Variants in KANK1 observed in about 807,000 individuals in gnomAD.
KANK1 encodes the protein KN motif and ankyrin repeat domains 1.
Under a neutral mutation model 106.2 loss-of-function variants are expected in KANK1, and 109 were observed. That is an observed-to-expected ratio of 1.03 (90% CI 0.88 to 1.20). The LOEUF is 1.20. KANK1 is among the 50% of genes most tolerant of loss of function. The probability of loss-of-function intolerance (pLI) is 0.00; values close to 1 mark genes in which losing one functional copy is unlikely to be tolerated. For missense variants in KANK1, 2,399 were observed against 1,710.7 expected (o/e 1.40, Z -7.10); for synonymous variants, 873 against 652.2 (o/e 1.34, Z -5.16).
chr9:646,244 G>C (rs1839642323), intron 1 of KANK1, among the ~76,000 whole-genome samples: 1 of 150,746 alleles, frequency 6.6e-6, no homozygotes, highest in Admixed American at 6.6e-5. Flanking sequence ...TGTAATCTCA[G>C]CATGTGATTT....
At chr9:620,802 A>T (rs1038365185) in intron 1 of KANK1, among the ~76,000 whole-genome samples, 7 of 152,220 alleles carry the variant, frequency 4.6e-5, no homozygotes, top group African/African-American at 1.7e-4. Flanking sequence ...ATATTGGAGC[A>T]TAATAGAATT....
chr9:623,230 G>C (rs553891942), intron 1 of KANK1, among the ~76,000 whole-genome samples: 1 of 152,176 alleles, frequency 6.6e-6, no homozygotes, highest in African/African-American at 2.4e-5. Flanking sequence ...AAAAAAAGTG[G>C]AGGTGGGGCA....
Position 740,885 on chromosome 9 carries a change from T to G in KANK1, c.3647T>G (p.Ile1216Ser), listed in dbSNP as rs116440714. The G allele has an allele frequency of 6.2e-7, 1 of 1,614,026 alleles. No individual in the cohort carries two copies. Among genetic ancestry groups the G allele is most frequent in the Non-Finnish European group, 8.5e-7 (1 of 1,180,042 alleles). ...AAVEAEKDMR[I>S]VEELFGCGDV... ...GTGGAAGCAGAGAAGGACATGCGGA[T>G]TGTGGAAGAACTCTTCGGCTGTGGG... Residue 1216 changes from isoleucine (I) to serine (S), a missense_variant, in exon 9 of 12, where the codon ATT becomes AGT. By Grantham distance (142) the Ile-to-Ser change is moderately radical. Transcript: ENST00000382297.
intron 2 of KANK1, among the ~76,000 whole-genome samples, chr9:701,670 A>C (rs1011848469): frequency 6.6e-6 from 1 of 152,100 alleles, no homozygotes; most frequent in Non-Finnish European, 1.5e-5. Flanking sequence ...CGCGGGGGCA[A>C]AATCACCTCC....
At chr9:744,872 A>G (rs1589387754) in intron 11 of KANK1, 5 of 1,412,492 alleles carry the variant, frequency 3.5e-6, no homozygotes, top group East Asian at 5.2e-5. Context: ...GCAGCCCCTG[A>G]GCCCATGGGG....
chr9:684,229 C>T (rs767082286), intron 2 of KANK1: 10 of 985,294 alleles, frequency 1.0e-5, no homozygotes, highest in South Asian at 4.7e-5. Flanking sequence ...TTCAGACAGG[C>T]GATTAGCTCT....
intron 3 of KANK1, among the ~76,000 whole-genome samples, chr9:498,208 A>G (rs1328476360): frequency 6.6e-6 from 1 of 152,176 alleles, no homozygotes; most frequent in Non-Finnish European, 1.5e-5. Flanking sequence ...CAGTTGGGCT[A>G]TTGCTATTTG....
At chr9:650,155 G>C (rs1035680291) in intron 1 of KANK1, among the ~76,000 whole-genome samples, 1 of 152,132 alleles carries the variant, frequency 6.6e-6, no homozygotes, top group African/African-American at 2.4e-5. Flanking sequence ...TTTCATTGCA[G>C]GGCAGCTTGC....
At chr9:526,028 A>C (rs1423654609) in intron 1 of KANK1, among the ~76,000 whole-genome samples, 1 of 151,858 alleles carries the variant, frequency 6.6e-6, no homozygotes, top group Admixed American at 6.6e-5. Flanking sequence ...TGAGTTGTGC[A>C]TGCAAACCCA....
chr9:476,371 A>G (rs1383715997), intron 3 of KANK1, among the ~76,000 whole-genome samples: 1 of 151,944 alleles, frequency 6.6e-6, no homozygotes, highest in Admixed American at 6.6e-5. Context: ...AAATACAAAC[A>G]TTAGCCGAGC....
At chr9:691,910 C>T (rs975489049) in intron 2 of KANK1, among the ~76,000 whole-genome samples, 2 of 151,678 alleles carry the variant, frequency 1.3e-5, no homozygotes, top group African/African-American at 4.8e-5. Flanking sequence ...AGCCACCATG[C>T]CCCCCAAAAA....
intron 1 of KANK1, among the ~76,000 whole-genome samples, chr9:522,009 G>A (rs1024236135): frequency 3.3e-5 from 5 of 151,756 alleles, no homozygotes; most frequent in African/African-American, 1.2e-4. Flanking sequence ...TTGGAGAACT[G>A]TTAGAAAAGT....
At position 731,269 on chromosome 9, in the gene KANK1, A is replaced by T; in HGVS notation, c.3005+3A>T. 1 of 1,554,564 alleles carries T rather than the reference A, an allele frequency of 6.4e-7. No individual in the cohort carries two copies. On this transcript the variant is annotated splice_donor_region_variant and intron_variant, in intron 5 of 11. Transcript: ENST00000382297. ...CAGTTTGTTGGCATTAATGGAGGGT[A>T]AGGAAAGATGGTGGTTCTAGAGGCT...
intron 1 of KANK1, among the ~76,000 whole-genome samples, chr9:534,041 A>T (rs1170182910): frequency 3.3e-5 from 5 of 152,190 alleles, no homozygotes; most frequent in African/African-American, 4.8e-5. Flanking sequence ...AGGGATGAAC[A>T]GAAGCTTGCA....
At chr9:517,430 C>T (rs753553589) in intron 1 of KANK1, among the ~76,000 whole-genome samples, 16 of 150,932 alleles carry the variant, frequency 1.1e-4, no homozygotes, top group Non-Finnish European at 1.6e-4. Flanking sequence ...GGGACGGTTT[C>T]GATTAGTTTT....
At chr9:544,463 C>T (rs2060806865) in intron 1 of KANK1, among the ~76,000 whole-genome samples, 1 of 152,144 alleles carries the variant, frequency 6.6e-6, no homozygotes, top group African/African-American at 2.4e-5. Context: ...TTCACTATTG[C>T]TGATGAGCCA....
intron 2 of KANK1, among the ~76,000 whole-genome samples, chr9:692,506 CCT>C (rs1820213801): frequency 1.2e-5 from 1 of 81,040 alleles, no homozygotes; most frequent in African/African-American, 3.6e-5. Flanking sequence ...ATTTTTTCTT[CCT>C]TTTTTTTTTT....
At chr9:571,639 C>T (rs1342466853) in intron 1 of KANK1, among the ~76,000 whole-genome samples, 7 of 152,018 alleles carry the variant, frequency 4.6e-5, no homozygotes, top group South Asian at 4.2e-4. Context: ...TTCCCAGGCA[C>T]TTTTTAATCT....
chr9:618,925 A>C (rs1418174454), intron 1 of KANK1, among the ~76,000 whole-genome samples: 1 of 152,238 alleles, frequency 6.6e-6, no homozygotes, highest in Admixed American at 6.5e-5. Context: ...TCAAAGAAGA[A>C]AAATAGAAAA....
Sources: gnomAD v4.1 joint callset for allele counts (sites outside exome capture counted in the v4.1 genomes callset) on GRCh38, gnomAD v4.1.1 for gene constraint, MANE v1.5 for transcripts, NCBI Gene and HGNC (gene_info 2026-07-23, HGNC 2026-07-21) for gene names.